Variants in BRIP1 observed in about 807,000 individuals in gnomAD.
The protein encoded by BRIP1 is BRCA1 interacting DNA helicase 1, also known as Fanconi anemia group J protein.
Under a neutral mutation model 119.7 loss-of-function variants are expected in BRIP1, and 88 were observed. That is an observed-to-expected ratio of 0.74 (90% confidence interval 0.62 to 0.88). BRIP1 has a LOEUF of 0.88. Ranked by LOEUF, BRIP1 falls within the 40% of genes least tolerant of loss-of-function variation. BRIP1 has a pLI of 0.00. For synonymous variants in BRIP1, 443 were observed against 496.5 expected, an observed-to-expected ratio of 0.89 and a Z score of 1.43; for missense variants, 1,259 against 1,455.4, an observed-to-expected ratio of 0.87 and a Z score of 2.20.
Position 61,744,448 on chromosome 17 carries a change from T to C in BRIP1, c.2241A>G (p.Lys747=), listed in dbSNP as rs2144695410. 1 of 1,613,958 alleles carries C rather than the reference T, an allele frequency of 6.2e-7. No homozygotes were observed. The highest frequency in any genetic ancestry group is 8.5e-7 in the Non-Finnish European group (1 of 1,179,918). Reference sequence around the variant, plus strand: ...TCCAGTTACCTTTCTCTCCTTTGTATTTGATTGCGTCATAGTACACCTGCA... The same window carrying C: ...TCCAGTTACCTTTCTCTCCTTTGTACTTGATTGCGTCATAGTACACCTGCA... ...ELLQVYYDAI[K]YKGEKDGALL... The change falls in exon 15 of 20, where the codon AAA becomes AAG. Residue 747 remains lysine, a synonymous_variant. Transcript: ENST00000259008. The surrounding 1 kb of genome is among the most constrained non-coding windows in gnomAD (Gnocchi z 5.0).
In BRIP1 at chr17:61,769,667, G is replaced by T. The variant is rs1010478213; in HGVS notation, c.2097+6734C>A. On this transcript the variant is annotated intron_variant, in intron 14 of 19. Coordinates refer to ENST00000259008, the MANE Select transcript of BRIP1 (RefSeq NM_032043.3). The surrounding 1 kb of genome is among the most constrained non-coding windows in gnomAD (Gnocchi z 4.9). ...CACACCTGTTTTACAACAGAAAAAA[G>T]TTAAACAAACTAAAAATCAATTACT... Among the ~76,000 whole-genome samples the T allele has an allele frequency of 2.0e-5, 3 of 152,086 alleles. No individual in the cohort carries two copies. Among genetic ancestry groups the T allele is most frequent in the African/African-American group, 7.2e-5 (3 of 41,418 alleles).
chr17:61,716,901 C>T (rs953061883), intron 16 of BRIP1, among the ~76,000 whole-genome samples: 1 of 62,352 alleles, frequency 1.6e-5, no homozygotes, highest in African/African-American at 8.6e-5. Context: ...ATTAGTCTAC[C>T]TTAAAATAAT....
intron 16 of BRIP1, among the ~76,000 whole-genome samples, chr17:61,716,537 C>T (rs1304051082): frequency 1.3e-5 from 2 of 151,978 alleles, no homozygotes. Flanking sequence ...TGACTTGTGA[C>T]ATTTTTCATT....
At position 61,807,200 on chromosome 17, in the gene BRIP1, A is replaced by G. The variant is rs1375935872; in HGVS notation, c.918+1267T>C. Among the ~76,000 whole-genome samples the G allele has an allele frequency of 6.6e-6, 1 of 152,222 alleles. No individual in the cohort carries two copies. The highest frequency in any genetic ancestry group is 1.9e-4 in the East Asian group (1 of 5,204). Reference sequence around the variant, plus strand: ...ATGAAATTCATGGAGTTTTACCATAAAGAGCTTTATTTTATTATTTTTGAA... The same window carrying G: ...ATGAAATTCATGGAGTTTTACCATAGAGAGCTTTATTTTATTATTTTTGAA... On this transcript the variant is annotated intron_variant, in intron 7 of 19. Coordinates refer to ENST00000259008, the MANE Select transcript of BRIP1 (RefSeq NM_032043.3). This position sits in a 1 kb window ranked among gnomAD's most constrained non-coding sequence, Gnocchi z 4.5.
Position 61,804,283 on chromosome 17 carries a change from T to C in BRIP1, c.919-2809A>G, listed in dbSNP as rs1369028579. On this transcript the variant is annotated intron_variant, in intron 7 of 19. Transcript: ENST00000259008. The surrounding 1 kb of genome is among the most constrained non-coding windows in gnomAD (Gnocchi z 4.5). ...TTTTATTTTAATTAATTCTACTATTTATTTTAAAACGATTTTGAAATAAAA... is the reference window on the plus strand; with the variant it reads ...TTTTATTTTAATTAATTCTACTATTCATTTTAAAACGATTTTGAAATAAAA... Among the ~76,000 whole-genome samples, 1 of 152,176 alleles carries C rather than the reference T, an allele frequency of 6.6e-6. No homozygotes were observed. The highest frequency in any genetic ancestry group is 1.5e-5 in the Non-Finnish European group (1 of 68,034).
rs547461067 is a variant in BRIP1, at chr17:61,741,397, ATGTTCTTAAT to A, written c.2379+1606_2379+1615del. On this transcript the variant is annotated intron_variant, in intron 16 of 19. Coordinates refer to ENST00000259008, the MANE Select transcript of BRIP1 (RefSeq NM_032043.3). ...TCTGACCTCCTCCCATGAATCATGA[ATGTTCTTAAT>A]GGCATCTAGAACGGTGAATCCTTTC... is the stretch of plus-strand genomic sequence containing the variant. 2.0e-5 allele frequency among the ~76,000 whole-genome samples: 3 copies of A among 152,262 alleles called. No homozygotes were observed. In the South Asian group the frequency reaches 6.2e-4, roughly 32 times the overall value.
In BRIP1 at chr17:61,780,097, A is replaced by C. The variant is rs188084183; in HGVS notation, c.1935+164T>G. On this transcript the variant is annotated intron_variant, in intron 13 of 19. Transcript: ENST00000259008. The surrounding 1 kb of genome is among the most constrained non-coding windows in gnomAD (Gnocchi z 5.4). ...GACTGGATTATTTCCTTCTGTTGAC[A>C]CATCATTAAGTAGCTGACAGATTTT... 7.9e-5 allele frequency among the ~76,000 whole-genome samples: 12 copies of C among 152,340 alleles called. No individual in the cohort carries two copies. Among genetic ancestry groups the C allele is most frequent in the African/African-American group, 2.2e-4 (9 of 41,578 alleles).
intron 10 of BRIP1, among the ~76,000 whole-genome samples, chr17:61,787,031 TAA>T (rs1401794579): frequency 8.6e-6 from 1 of 115,638 alleles, no homozygotes; most frequent in Non-Finnish European, 1.6e-5. Context: ...TATTTATAAA[TAA>T]ATTTATATAA....
At chr17:61,764,903 T>C (rs2077329236) in intron 14 of BRIP1, among the ~76,000 whole-genome samples, 1 of 152,100 alleles carries the variant, frequency 6.6e-6, no homozygotes. Flanking sequence ...CCCAAAGTCA[T>C]GTTAAAATGT....
At position 61,691,270 on chromosome 17, in the gene BRIP1, C is replaced by T. The variant is rs2061443741; in HGVS notation, c.2575+2160G>A. ...AAAAATTAAAATAAAAAAACTCAAACCAGGGAAAAAAAATAGCATCAAAAA... is the reference window on the plus strand; with the variant it reads ...AAAAATTAAAATAAAAAAACTCAAATCAGGGAAAAAAAATAGCATCAAAAA... On this transcript the variant is annotated intron_variant, in intron 18 of 19. Transcript: ENST00000259008. The surrounding 1 kb of genome is among the most constrained non-coding windows in gnomAD (Gnocchi z 5.0). 6.6e-6 allele frequency among the ~76,000 whole-genome samples: 1 copy of T among 150,876 alleles called. No individual in the cohort carries two copies. Among genetic ancestry groups the T allele is most frequent in the East Asian group, 1.9e-4 (1 of 5,156 alleles).
intron 16 of BRIP1, among the ~76,000 whole-genome samples, chr17:61,732,315 T>C (rs1166402736): frequency 6.6e-6 from 1 of 152,164 alleles, no homozygotes; most frequent in African/African-American, 2.4e-5. Flanking sequence ...AATAGTTTTG[T>C]TGTAATCTAA....
At position 61,738,217 on chromosome 17, in the gene BRIP1, T is replaced by C. The variant is rs2076944055; in HGVS notation, c.2379+4796A>G. ...ATCTGTCACCCAATCACTCCAGAGA[T>C]GTATGACCTGTAATAAATGATTGCT... On this transcript the variant is annotated intron_variant, in intron 16 of 19. Coordinates refer to ENST00000259008, the MANE Select transcript of BRIP1 (RefSeq NM_032043.3). This position sits in a 1 kb window ranked among gnomAD's most constrained non-coding sequence, Gnocchi z 4.2. 6.6e-6 allele frequency among the ~76,000 whole-genome samples: 1 copy of C among 152,214 alleles called. No individual in the cohort carries two copies. Among genetic ancestry groups the C allele is most frequent in the Non-Finnish European group, 1.5e-5 (1 of 68,032 alleles).
rs2078670784 is a variant in BRIP1 at position 61,842,432 on chromosome 17, A to G, written c.627+4669T>C. ...TTCTTACATATTTTCAAAAAGCTGT[A>G]AGAGAGAATTCTGAATATTCGCAAC... is the stretch of plus-strand genomic sequence containing the variant. On this transcript the variant is annotated intron_variant, in intron 6 of 19. Transcript: ENST00000259008. The surrounding 1 kb of genome is among the most constrained non-coding windows in gnomAD (Gnocchi z 5.1). Among the ~76,000 whole-genome samples, 1 of 152,214 alleles carries G rather than the reference A, an allele frequency of 6.6e-6. No homozygotes were observed.
rs537219248 is a variant in BRIP1, at chr17:61,781,927, A to G, written c.1629-922T>C. Among the ~76,000 whole-genome samples the G allele has an allele frequency of 6.5e-4, 98 of 151,698 alleles. 1 individual carries two copies. Among genetic ancestry groups the G allele is most frequent in the Non-Finnish European group, 1.1e-3 (76 of 67,890 alleles). ...CGGAGCAAGACTCCATCTCAAAAAA[A>G]AAAAAAAAAGTAAAATGTGATATTC... On this transcript the variant is annotated intron_variant, in intron 11 of 19. Transcript: ENST00000259008.
Position 61,710,168 on chromosome 17 carries a change from A to T in BRIP1, c.2492+5783T>A, listed in dbSNP as rs2061749627. Reference sequence around the variant, plus strand: ...TGATAGCTGGGCTCTCCATTTAAAAAAATTAATAAAATTCTAAAAGTACAG... The same window carrying T: ...TGATAGCTGGGCTCTCCATTTAAAATAATTAATAAAATTCTAAAAGTACAG... On this transcript the variant is annotated intron_variant, in intron 17 of 19. Coordinates refer to ENST00000259008, the MANE Select transcript of BRIP1 (RefSeq NM_032043.3). This position sits in a 1 kb window ranked among gnomAD's most constrained non-coding sequence, Gnocchi z 5.4. Among the ~76,000 whole-genome samples, 1 of 152,172 alleles carries T rather than the reference A, an allele frequency of 6.6e-6. No individual in the cohort carries two copies. The highest frequency in any genetic ancestry group is 1.5e-5 in the Non-Finnish European group (1 of 68,024).
chr17:61,838,896 G>A (rs760676366), intron 6 of BRIP1, among the ~76,000 whole-genome samples: 1 of 151,872 alleles, frequency 6.6e-6, no homozygotes, highest in Non-Finnish European at 1.5e-5. Flanking sequence ...AAAAGCTGCT[G>A]TATAATAAAT....
intron 9 of BRIP1, among the ~76,000 whole-genome samples, chr17:61,797,871 G>A (rs1047938832): frequency 7.9e-5 from 12 of 151,906 alleles, no homozygotes; most frequent in Non-Finnish European, 1.2e-4. Flanking sequence ...AAACTACATT[G>A]GGATACCACT....
Position 61,806,324 on chromosome 17 carries a change from A to T in BRIP1, c.918+2143T>A, listed in dbSNP as rs1400157174. ...CTTTGTAATTGCCCTTCATTACAAT[A>T]CCAAATTACTAACAGGGCTTGAGAA... is the stretch of plus-strand genomic sequence containing the variant. On this transcript the variant is annotated intron_variant, in intron 7 of 19. Coordinates refer to ENST00000259008, the MANE Select transcript of BRIP1 (RefSeq NM_032043.3). This position sits in a 1 kb window ranked among gnomAD's most constrained non-coding sequence, Gnocchi z 4.9. 2.0e-5 allele frequency among the ~76,000 whole-genome samples: 3 copies of T among 152,212 alleles called. No individual in the cohort carries two copies.
chr17:61,700,871 A>T lies in BRIP1; in HGVS notation c.2493-7359T>A, dbSNP rs754607926. 9.9e-5 allele frequency among the ~76,000 whole-genome samples: 15 copies of T among 152,100 alleles called. No homozygotes were observed. The highest frequency in any genetic ancestry group is 6.6e-4 in the Admixed American group (10 of 15,264). ...TTTCTTTCTGTTCTTCAGAGTAAAT[A>T]ATCTCAATTGATGTTTAAGTAAATC... is the stretch of plus-strand genomic sequence containing the variant. On this transcript the variant is annotated intron_variant, in intron 17 of 19. Coordinates refer to ENST00000259008, the MANE Select transcript of BRIP1 (RefSeq NM_032043.3). The surrounding 1 kb of genome is among the most constrained non-coding windows in gnomAD (Gnocchi z 4.1).
Sources: allele counts gnomAD v4.1 joint callset (sites outside exome capture counted in the v4.1 genomes callset), GRCh38; gene constraint gnomAD v4.1.1; non-coding constraint Gnocchi (gnomAD v3.1); transcripts MANE v1.5; gene names NCBI Gene and HGNC (gene_info 2026-07-23, HGNC 2026-07-21).